Variants in NAALADL2 observed in about 807,000 individuals in gnomAD.
NAALADL2 encodes inactive N-acetylated-alpha-linked acidic dipeptidase-like protein 2.
In NAALADL2, 76 loss-of-function variants were observed where a neutral mutation model predicts 87.2. The ratio of observed to expected loss-of-function variants is 0.87; its 90% CI spans 0.72 to 1.05. The LOEUF (loss-of-function observed/expected upper bound fraction) is 1.05. Among genes scored for constraint, NAALADL2 ranks in the 50% least tolerant of loss-of-function variants. NAALADL2 has a pLI of 0.00. For synonymous variants in NAALADL2, 354 were observed against 331.0 expected (o/e 1.07, Z -0.75); for missense variants, 1,089 against 945.8 (o/e 1.15, Z -1.99).
chr3:175,053,453 C>T (rs1755677624), intron 1 of NAALADL2, among the ~76,000 whole-genome samples: 1 of 152,140 alleles, frequency 6.6e-6, no homozygotes, highest in Non-Finnish European at 1.5e-5. Context: ...TGGGATCCTC[C>T]TCAGCATCAG....
At chr3:174,971,897 C>T (rs1743721042) in intron 1 of NAALADL2, among the ~76,000 whole-genome samples, 1 of 152,076 alleles carries the variant, frequency 6.6e-6, no homozygotes, top group Admixed American at 6.6e-5. Flanking sequence ...GGATTTTCAC[C>T]ATATTGGTCA....
intron 1 of NAALADL2, among the ~76,000 whole-genome samples, chr3:174,490,517 T>C (rs1229650166): frequency 1.3e-5 from 2 of 152,140 alleles, no homozygotes; most frequent in African/African-American, 4.8e-5. Flanking sequence ...CACTGAATCA[T>C]AGACTTTTAA....
intron 3 of NAALADL2, among the ~76,000 whole-genome samples, chr3:174,823,395 T>C (rs980371739): frequency 1.3e-5 from 2 of 152,234 alleles, no homozygotes; most frequent in African/African-American, 4.8e-5. Flanking sequence ...TTTATATTTC[T>C]TGCTGGAGCA....
In NAALADL2 at chr3:174,859,431, A is replaced by C; in HGVS notation, c.24A>C (p.Leu8Phe). ...AAATGGGAGAGAATGAAGCAAGTTT[A>C]CCTAACACGTCTTTGCAAGGTAAGT... is the stretch of plus-strand genomic sequence containing the variant. MGENEAS[L>F]PNTSLQGKKM... is the part of the protein sequence containing the mutation. Residue 8 changes from leucine (L) to phenylalanine (F), a missense_variant, in exon 1 of 14, where the codon TTA becomes TTC. By Grantham distance (22) the Leu-to-Phe change is conservative. Transcript: ENST00000454872. 1 of 1,610,932 alleles carries C rather than the reference A, an allele frequency of 6.2e-7. No homozygotes were observed. Among genetic ancestry groups the C allele is most frequent in the Non-Finnish European group, 8.5e-7 (1 of 1,178,268 alleles).
chr3:175,398,438 C>A (rs994392119), intron 5 of NAALADL2, among the ~76,000 whole-genome samples: 3 of 148,464 alleles, frequency 2.0e-5, no homozygotes, highest in African/African-American at 7.5e-5. Flanking sequence ...TAATCTGTAT[C>A]CACATGATGA....
At chr3:174,943,640 G>C (rs561635274) in intron 1 of NAALADL2, among the ~76,000 whole-genome samples, 1 of 152,208 alleles carries the variant, frequency 6.6e-6, no homozygotes, top group Non-Finnish European at 1.5e-5. Context: ...CCACCCCAAA[G>C]AGATGCAGGT....
At chr3:175,040,154 G>T (rs955005853) in intron 1 of NAALADL2, among the ~76,000 whole-genome samples, 2 of 152,084 alleles carry the variant, frequency 1.3e-5, no homozygotes, top group Admixed American at 6.6e-5. Context: ...ACATGTCCAC[G>T]CCTGAAATTG....
At chr3:174,448,714 A>G (rs916037129) in intron 1 of NAALADL2, among the ~76,000 whole-genome samples, 1 of 152,122 alleles carries the variant, frequency 6.6e-6, no homozygotes, top group Non-Finnish European at 1.5e-5. Context: ...AGCAGGAAAG[A>G]AATGTAACTA....
Position 175,738,546 on chromosome 3 carries a change from C to A in NAALADL2, c.1990+1147C>A, listed in dbSNP as rs1744831114. On this transcript the variant is annotated intron_variant, in intron 12 of 13. Coordinates refer to ENST00000454872, the MANE Select transcript of NAALADL2 (RefSeq NM_207015.3). ...ACAGGCATGAGCCACCGCACCTGGC[C>A]CCCTTTTTTTTTCTTTACCTGGATT... is the stretch of plus-strand genomic sequence containing the variant. Among the ~76,000 whole-genome samples, 4 of 152,218 alleles carry A rather than the reference C, an allele frequency of 2.6e-5. No individual in the cohort carries two copies. In the South Asian group the frequency reaches 8.3e-4, roughly 32 times the overall value.
chr3:175,457,924 A>ATTAGGATTAT (rs1722562517), intron 6 of NAALADL2, among the ~76,000 whole-genome samples: 1 of 152,006 alleles, frequency 6.6e-6, no homozygotes, highest in African/African-American at 2.4e-5. Context: ...GCCAGTATTG[A>ATTAGGATTAT]GTCATTACTT....
chr3:174,512,651 CTGCCTT>C (rs1457227397), intron 1 of NAALADL2, among the ~76,000 whole-genome samples: 4 of 152,128 alleles, frequency 2.6e-5, no homozygotes. Flanking sequence ...CAAATTTTAG[CTGCCTT>C]GGCCTCCCCA....
chr3:175,768,324 A>ATC (rs1314476706), intron 13 of NAALADL2, among the ~76,000 whole-genome samples: 4 of 152,000 alleles, frequency 2.6e-5, no homozygotes, highest in East Asian at 1.9e-4. Flanking sequence ...TTTCAAAGCC[A>ATC]TCTCTCTCTC....
chr3:175,153,952 CTG>C (rs930820954), intron 2 of NAALADL2, among the ~76,000 whole-genome samples: 1 of 152,130 alleles, frequency 6.6e-6, no homozygotes, highest in Non-Finnish European at 1.5e-5. Context: ...AGTTGTGAAA[CTG>C]TAAAGCAATT....
intron 3 of NAALADL2, among the ~76,000 whole-genome samples, chr3:174,786,673 C>T (rs1716721157): frequency 6.6e-6 from 1 of 151,814 alleles, no homozygotes; most frequent in African/African-American, 2.4e-5. Context: ...AAGGACAAGA[C>T]ACATTGACTA....
intron 3 of NAALADL2, among the ~76,000 whole-genome samples, chr3:174,801,665 C>T (rs559984400): frequency 7.2e-4 from 110 of 152,072 alleles, no homozygotes; most frequent in Non-Finnish European, 1.1e-3. Context: ...AGGAAGTTTC[C>T]TTCTATTCCT....
intron 4 of NAALADL2, among the ~76,000 whole-genome samples, chr3:175,296,536 T>C (rs1332567597): frequency 6.6e-6 from 1 of 152,144 alleles, no homozygotes; most frequent in Non-Finnish European, 1.5e-5. Context: ...CCCTTTACCC[T>C]GGCTGACAGG....
chr3:175,665,627 C>G (rs908539823), intron 11 of NAALADL2, among the ~76,000 whole-genome samples: 1 of 152,246 alleles, frequency 6.6e-6, no homozygotes, highest in Non-Finnish European at 1.5e-5. Flanking sequence ...ATGATAGCAT[C>G]TTAACATTAA....
intron 1 of NAALADL2, among the ~76,000 whole-genome samples, chr3:174,959,859 G>T (rs1741718516): frequency 6.6e-6 from 1 of 152,018 alleles, no homozygotes; most frequent in Admixed American, 6.6e-5. Context: ...GCAGTATCTT[G>T]TGCTATTTTA....
chr3:175,739,468 A>T (rs1744959945), intron 12 of NAALADL2, among the ~76,000 whole-genome samples: 1 of 152,226 alleles, frequency 6.6e-6, no homozygotes, highest in Non-Finnish European at 1.5e-5. Flanking sequence ...GCTCAAAAAA[A>T]TGACCTATTG....
Sources: gnomAD v4.1 joint callset for allele counts (sites outside exome capture counted in the v4.1 genomes callset) on GRCh38, gnomAD v4.1.1 for gene constraint, MANE v1.5 for transcripts, NCBI Gene and HGNC (gene_info 2026-07-23, HGNC 2026-07-21) for gene names.